The following TRIM44 variants were observed in gnomAD, a reference collection of about 807,000 sequenced individuals.
TRIM44 encodes tripartite motif containing 44.
In TRIM44, 13 loss-of-function variants were observed where a neutral mutation model predicts 37.4. That is an observed-to-expected ratio of 0.35 (90% CI 0.23 to 0.55). TRIM44 has a LOEUF of 0.55. Among genes scored for constraint, TRIM44 ranks in the 20% least tolerant of loss-of-function variants. The pLI is 0.89. For missense variants in TRIM44, 426 were observed against 437.2 expected (o/e 0.97, Z 0.23); for synonymous variants, 175 against 157.2 (o/e 1.11, Z -0.85).
At chr11:35,683,377 T>C (rs1031369711) in intron 1 of TRIM44, among the ~76,000 whole-genome samples, 1 of 152,222 alleles carries the variant, frequency 6.6e-6, no homozygotes, top group Non-Finnish European at 1.5e-5. Flanking sequence ...ATGTTGTGTC[T>C]GATTTTTACT....
At chr11:35,726,314 G>C in intron 3 of TRIM44, 151 bp downstream of exon 3, 4 of 1,041,382 alleles carry the variant, frequency 3.8e-6, no homozygotes, top group Non-Finnish European at 4.1e-6. Flanking sequence ...CAGTATGGAA[G>C]TATTGGCCAC....
chr11:35,665,868 G>A (rs922086894), intron 1 of TRIM44, among the ~76,000 whole-genome samples: 2 of 151,570 alleles, frequency 1.3e-5, no homozygotes, highest in African/African-American at 2.4e-5. Context: ...GATTATAGGT[G>A]TTAGCCACTG....
intron 2 of TRIM44, among the ~76,000 whole-genome samples, chr11:35,698,848 G>A (rs1173965): frequency 2.9e-5 from 3 of 102,626 alleles, no homozygotes; most frequent in Admixed American, 1.1e-4. Flanking sequence ...TGTTTTAGAC[G>A]TGAAGTCCTT....
chr11:35,697,916 G>A (rs61879653), intron 2 of TRIM44, among the ~76,000 whole-genome samples: 13 of 150,230 alleles, frequency 8.7e-5, no homozygotes, highest in Non-Finnish European at 1.3e-4. Flanking sequence ...ATAAACATAC[G>A]TGTGCATGTG....
At chr11:35,769,820 G>A (rs1852842783) in intron 4 of TRIM44, among the ~76,000 whole-genome samples, 1 of 152,178 alleles carries the variant, frequency 6.6e-6, no homozygotes, top group Admixed American at 6.5e-5. Context: ...TAAGGAATTA[G>A]ATGTATTCAG....
At chr11:35,754,765 TG>T (rs1443358767) in intron 4 of TRIM44, among the ~76,000 whole-genome samples, 3 of 151,764 alleles carry the variant, frequency 2.0e-5, no homozygotes, top group East Asian at 1.9e-4. Context: ...TTTGGTTTTT[TG>T]TTCTTGCAAT....
rs1853552041 is a variant in TRIM44, at chr11:35,813,737, A to G, written c.*7352A>G. 1 of 152,186 alleles carries G rather than the reference A, an allele frequency of 6.6e-6. No individual in the cohort carries two copies. Among genetic ancestry groups the G allele is most frequent in the Non-Finnish European group, 1.5e-5 (1 of 68,030 alleles). 9.4% of individuals were successfully genotyped at this position (152,186 alleles called of 1,614,324 possible). ...CTATGCTTAGAAGACAAAAATATGT[A>G]TATCAAACATTTTAGAAATATTTAC... On this transcript the variant is annotated 3_prime_UTR_variant, in exon 5 of 5. Coordinates refer to ENST00000299413, the MANE Select transcript of TRIM44 (RefSeq NM_017583.6).
At chr11:35,682,122 C>G (rs927426326) in intron 1 of TRIM44, among the ~76,000 whole-genome samples, 1 of 151,870 alleles carries the variant, frequency 6.6e-6, no homozygotes, top group Non-Finnish European at 1.5e-5. Flanking sequence ...GAAGACCCCT[C>G]CTGTAGCCAT....
At chr11:35,746,742 A>C (rs1852496863) in intron 4 of TRIM44, among the ~76,000 whole-genome samples, 1 of 152,140 alleles carries the variant, frequency 6.6e-6, no homozygotes, top group Non-Finnish European at 1.5e-5. Context: ...AGGCAAATTC[A>C]TGTGCCTATA....
At chr11:35,799,177 C>T (rs942060890) in intron 4 of TRIM44, among the ~76,000 whole-genome samples, 1 of 152,254 alleles carries the variant, frequency 6.6e-6, no homozygotes, top group African/African-American at 2.4e-5. Flanking sequence ...CTGGGCAGGC[C>T]TGCTGGCTCC....
intron 2 of TRIM44, among the ~76,000 whole-genome samples, chr11:35,703,118 C>G (rs1158405216): frequency 1.3e-5 from 2 of 152,238 alleles, no homozygotes; most frequent in Non-Finnish European, 2.9e-5. Context: ...CCGCACATGG[C>G]TCGGAGGGTC....
At position 35,690,515 on chromosome 11, in the gene TRIM44, C is replaced by T. The variant is rs147140599; in HGVS notation, c.747+5179C>T. On this transcript the variant is annotated intron_variant, in intron 2 of 4. Coordinates refer to ENST00000299413, the MANE Select transcript of TRIM44 (RefSeq NM_017583.6). ...GCATCATCTTGATCCTTGCCCTGTG[C>T]CAAAAAAGAAGTATTCACTGGGGCA... Among the ~76,000 whole-genome samples, 281 of 152,230 alleles carry T rather than the reference C, an allele frequency of 1.8e-3. 2 individuals carry two copies. Among genetic ancestry groups the T allele is most frequent in the African/African-American group, 6.5e-3 (270 of 41,546 alleles).
Position 35,807,560 on chromosome 11 carries a change from C to T in TRIM44, c.*1175C>T, listed in dbSNP as rs1853468778. 6.6e-6 allele frequency: 1 copy of T among 152,062 alleles called. No homozygotes were observed. The highest frequency in any genetic ancestry group is 6.6e-5 in the Admixed American group (1 of 15,256). The allele number at this position is 152,062 out of a possible 1,614,324, so 9.4% of individuals were successfully genotyped here. A position where few individuals can be genotyped will look rare whatever the true frequency, so the allele number is the denominator to read the frequency against. On this transcript the variant is annotated 3_prime_UTR_variant, in exon 5 of 5. Coordinates refer to ENST00000299413, the MANE Select transcript of TRIM44 (RefSeq NM_017583.6). ...TTCTTACAACCAAGCTTTGTGCTCC[C>T]GAGTAAGCAGGGATGTACTAGGGGA...
At chr11:35,752,770 T>G (rs781487371) in intron 4 of TRIM44, among the ~76,000 whole-genome samples, 3 of 152,232 alleles carry the variant, frequency 2.0e-5, no homozygotes, top group Non-Finnish European at 4.4e-5. Flanking sequence ...TCTGCAGGAA[T>G]GCTCGTCCCC....
chr11:35,735,443 C>T lies in TRIM44; in HGVS notation c.1005C>T (p.Pro335=), dbSNP rs1162969646. 1.2e-6 allele frequency: 2 copies of T among 1,613,606 alleles called. No individual in the cohort carries two copies. Among genetic ancestry groups the T allele is most frequent in the South Asian group, 2.2e-5 (2 of 91,048 alleles). The part of the protein sequence containing the change: ...EPKAEGDEEG[P]SGASEEEDT ...TCTTTCAGGGCGATGAGGAAGGACC[C>T]AGGTAAGATCACATTGTTGCTTGTC... The change falls in exon 4 of 5, where the codon CCC becomes CCT. Residue 335 remains proline (P), a splice_region_variant and synonymous_variant. Coordinates refer to ENST00000299413, the MANE Select transcript of TRIM44 (RefSeq NM_017583.6).
intron 4 of TRIM44, among the ~76,000 whole-genome samples, chr11:35,767,765 T>C (rs1280107125): frequency 6.6e-6 from 1 of 152,182 alleles, no homozygotes. Flanking sequence ...CTTGGGAAAT[T>C]ACTTAACCTC....
chr11:35,732,226 A>G (rs555228189), intron 3 of TRIM44, among the ~76,000 whole-genome samples: 12 of 152,206 alleles, frequency 7.9e-5, no homozygotes, highest in Non-Finnish European at 1.8e-4. Flanking sequence ...TCATATAAAC[A>G]GCCTTGTTTG....
chr11:35,692,863 C>T (rs1202142114), intron 2 of TRIM44, among the ~76,000 whole-genome samples: 1 of 150,968 alleles, frequency 6.6e-6, no homozygotes. Context: ...GCAGAGCTTG[C>T]AGTGAGCCGA....
rs1853558216 is a variant in TRIM44, at chr11:35,814,452, C to A, written c.*8067C>A. ...ATAATGGTGTAATGCCAATACTAAG[C>A]CCTGGAACGAAGATAGGATTCATTT... is the stretch of plus-strand genomic sequence containing the variant. On this transcript the variant is annotated 3_prime_UTR_variant, in exon 5 of 5. Coordinates refer to ENST00000299413, the MANE Select transcript of TRIM44 (RefSeq NM_017583.6). 6.6e-6 allele frequency: 1 copy of A among 152,114 alleles called. No homozygotes were observed. Among genetic ancestry groups the A allele is most frequent in the Non-Finnish European group, 1.5e-5 (1 of 68,014 alleles). The allele number at this position is 152,114 out of a possible 1,614,324, so 9.4% of individuals were successfully genotyped here. A position where few individuals can be genotyped will look rare whatever the true frequency, so the allele number is the denominator to read the frequency against.
Sources: allele counts gnomAD v4.1 joint callset (sites outside exome capture counted in the v4.1 genomes callset), GRCh38; gene constraint gnomAD v4.1.1; transcripts MANE v1.5; gene names NCBI Gene and HGNC (gene_info 2026-07-23, HGNC 2026-07-21).